MICAL3: variants seen among roughly 807,000 people sequenced by gnomAD.
The protein encoded by MICAL3 is [F-actin]-monooxygenase MICAL3.
In MICAL3, 62 loss-of-function variants were observed where a neutral mutation model predicts 207.4. The ratio of observed to expected loss-of-function variants is 0.30; its 90% CI spans 0.24 to 0.37. The LOEUF (loss-of-function observed/expected upper bound fraction) is 0.37. Ranked by LOEUF, MICAL3 falls within the 10% of genes least tolerant of loss-of-function variation. The pLI, the probability that MICAL3 is intolerant of heterozygous loss-of-function variation, is 1.00. For missense variants in MICAL3, 2,368 were observed against 2,635.6 expected, an observed-to-expected ratio of 0.90 and a Z score of 2.22; for synonymous variants, 1,077 against 1,069.3, an observed-to-expected ratio of 1.01 and a Z score of -0.14.
At position 17,823,063 on chromosome 22, in the gene MICAL3, G is replaced by A. The variant is rs773586411; in HGVS notation, c.3194-3C>T. 1.9e-6 allele frequency: 3 copies of A among 1,586,136 alleles called. No homozygotes were observed. The South Asian group carries it at 3.3e-5, about 18-fold the overall frequency. ...TAGGTCATTCTCATCCAATGGGGCT[G>A]CAAAGCAGAAAGGTTCAAAGGAAGG... On this transcript the variant is annotated splice_polypyrimidine_tract_variant and splice_region_variant and intron_variant, in intron 22 of 31. Coordinates refer to ENST00000441493, the MANE Select transcript of MICAL3 (RefSeq NM_015241.3).
intron 1 of MICAL3, among the ~76,000 whole-genome samples, chr22:17,974,535 G>A (rs1445727867): frequency 6.6e-6 from 1 of 152,088 alleles, no homozygotes; most frequent in Non-Finnish European, 1.5e-5. Flanking sequence ...GACCAGCCTG[G>A]CCAACATGGC....
At chr22:17,827,620 C>A (rs375870961) in intron 22 of MICAL3, 24 bp downstream of exon 22, 4 of 1,538,294 alleles carry the variant, frequency 2.6e-6, no homozygotes, top group African/African-American at 2.7e-5. Context: ...GGGCACACTG[C>A]GGCCTGGGGC....
rs544550776 is a variant in MICAL3, at chr22:17,957,588, G to C, written c.-74-50702C>G. On this transcript the variant is annotated intron_variant, in intron 1 of 31. Coordinates refer to ENST00000441493, the MANE Select transcript of MICAL3 (RefSeq NM_015241.3). ...TAGCTGGGCATGGTCGCGTGCGCCT[G>C]TAATCCCAGCTACTCAGGAGGCTGA... Among the ~76,000 whole-genome samples, 29 of 151,968 alleles carry C rather than the reference G, an allele frequency of 1.9e-4. No individual in the cohort carries two copies. In the South Asian group the frequency reaches 4.0e-3, roughly 21 times the overall value.
At chr22:17,887,272 T>C in intron 14 of MICAL3, 40 bp from the exon 15 acceptor site, 1 of 1,610,496 alleles carries the variant, frequency 6.2e-7, no homozygotes, top group Non-Finnish European at 8.5e-7. Flanking sequence ...ATTCTAGCCA[T>C]ACATACCTTG....
At chr22:17,960,624 C>T (rs888198042) in intron 1 of MICAL3, among the ~76,000 whole-genome samples, 4 of 151,984 alleles carry the variant, frequency 2.6e-5, no homozygotes, top group African/African-American at 7.3e-5. Flanking sequence ...CAAGGGGCTC[C>T]GGGAACAGAT....
chr22:18,001,783 C>T (rs531043731), intron 1 of MICAL3, among the ~76,000 whole-genome samples: 6 of 152,288 alleles, frequency 3.9e-5, no homozygotes, highest in African/African-American at 1.4e-4. Context: ...CAACGGGAGA[C>T]GGGAAAGAAC....
At chr22:17,805,426 T>C (rs1441556532) in intron 29 of MICAL3, among the ~76,000 whole-genome samples, 2 of 152,268 alleles carry the variant, frequency 1.3e-5, no homozygotes, top group African/African-American at 4.8e-5. Flanking sequence ...GAAATTCTTA[T>C]ATTCTTATGG....
intron 1 of MICAL3, among the ~76,000 whole-genome samples, chr22:17,911,222 T>C (rs535525795): frequency 1.3e-5 from 2 of 152,316 alleles, no homozygotes; most frequent in South Asian, 4.1e-4. Flanking sequence ...ATAACAATAG[T>C]TGAAGGTTGT....
chr22:17,895,618 GGA>G (rs1930760395), intron 9 of MICAL3, among the ~76,000 whole-genome samples: 1 of 151,926 alleles, frequency 6.6e-6, no homozygotes, highest in Non-Finnish European at 1.5e-5. Flanking sequence ...TAAGAGCCGA[GGA>G]GAGAGAGCAG....
Position 17,969,332 on chromosome 22 carries a change from C to T in MICAL3, c.-75+54949G>A, listed in dbSNP as rs144887349. On this transcript the variant is annotated intron_variant, in intron 1 of 31. Coordinates refer to ENST00000441493, the MANE Select transcript of MICAL3 (RefSeq NM_015241.3). The stretch of plus-strand genomic sequence containing the variant: ...GGGATTACAGGCATGAGCCACTGCA[C>T]CCGGCCAAATGAGGACTCTTGTAGA... Among the ~76,000 whole-genome samples, 84 of 152,360 alleles carry T rather than the reference C, an allele frequency of 5.5e-4. No homozygotes were observed. In the East Asian group the frequency reaches 0.014, roughly 26 times the overall value.
At chr22:17,991,137 C>A (rs373851376) in intron 1 of MICAL3, among the ~76,000 whole-genome samples, 6 of 152,368 alleles carry the variant, frequency 3.9e-5, no homozygotes, top group African/African-American at 1.2e-4. Context: ...CGTGCCACAA[C>A]TGACAGCCCG....
In MICAL3 at chr22:17,863,293, T is replaced by C. The variant is rs1008117081; in HGVS notation, c.2605+1606A>G. On this transcript the variant is annotated intron_variant, in intron 19 of 31. Coordinates refer to ENST00000441493, the MANE Select transcript of MICAL3 (RefSeq NM_015241.3). ...GGAAAGTTTAGTTTCTTTTGAGTTG[T>C]TCTACTGAGTAGTCAGGTTCCTCAG... is the stretch of plus-strand genomic sequence containing the variant. 6 of 985,346 alleles carry C rather than the reference T, an allele frequency of 6.1e-6. No homozygotes were observed. The Admixed American group carries it at 3.1e-4, about 50-fold the overall frequency. 61.0% of individuals were successfully genotyped at this position (985,346 alleles called of 1,614,324 possible).
At chr22:17,999,037 C>T (rs1339426584) in intron 1 of MICAL3, among the ~76,000 whole-genome samples, 1 of 152,124 alleles carries the variant, frequency 6.6e-6, no homozygotes, top group African/African-American at 2.4e-5. Flanking sequence ...GAGGCACGGC[C>T]CAGCAAAGCT....
intron 1 of MICAL3, among the ~76,000 whole-genome samples, chr22:17,936,554 C>A (rs1424289481): frequency 6.7e-6 from 1 of 149,960 alleles, no homozygotes; most frequent in African/African-American, 2.5e-5. Flanking sequence ...TGCACATGTA[C>A]CCTAGAACTT....
At chr22:17,968,612 C>G (rs1024472995) in intron 1 of MICAL3, among the ~76,000 whole-genome samples, 34 of 152,110 alleles carry the variant, frequency 2.2e-4, no homozygotes, top group Admixed American at 1.3e-4. Flanking sequence ...GGGAGAGTGT[C>G]CAACTGAGAG....
chr22:17,960,580 G>A (rs1372756367), intron 1 of MICAL3, among the ~76,000 whole-genome samples: 2 of 152,040 alleles, frequency 1.3e-5, no homozygotes, highest in South Asian at 2.1e-4. Flanking sequence ...GGAGCTCTGC[G>A]AACTGTTCTG....
At chr22:18,001,007 C>T (rs1019825994) in intron 1 of MICAL3, 9 of 152,326 alleles carry the variant, frequency 5.9e-5, no homozygotes, top group African/African-American at 1.9e-4. Context: ...AAGCCCCCAC[C>T]CTCCGCCTCC....
intron 16 of MICAL3, among the ~76,000 whole-genome samples, chr22:17,884,944 A>G (rs566644276): frequency 3.3e-5 from 5 of 152,334 alleles, no homozygotes; most frequent in African/African-American, 1.2e-4. Flanking sequence ...ATGGGCATGG[A>G]AAAGACGGAG....
chr22:17,842,944 AC>A (rs906085399), intron 19 of MICAL3, among the ~76,000 whole-genome samples: 1 of 151,986 alleles, frequency 6.6e-6, no homozygotes, highest in Non-Finnish European at 1.5e-5. Context: ...ACACAGTGAG[AC>A]CCCATCTCTA....
Sources: gnomAD v4.1 joint callset for allele counts (sites outside exome capture counted in the v4.1 genomes callset) on GRCh38, gnomAD v4.1.1 for gene constraint, MANE v1.5 for transcripts, NCBI Gene and HGNC (gene_info 2026-07-23, HGNC 2026-07-21) for gene names.